The following MRTFA variants were observed in gnomAD, a reference collection of about 807,000 sequenced individuals.
MRTFA encodes the protein myocardin related transcription factor A, also known as myocardin-related transcription factor A.
Under a neutral mutation model 83.5 loss-of-function variants are expected in MRTFA, and 20 were observed. The observed-to-expected ratio is 0.24, with a 90% CI of 0.17 to 0.35. MRTFA has a LOEUF of 0.35. Among genes scored for constraint, MRTFA ranks in the 10% least tolerant of loss-of-function variants. MRTFA has a pLI of 1.00. For synonymous variants in MRTFA, 659 were observed against 541.2 expected, an observed-to-expected ratio of 1.22 and a Z score of -3.02; for missense variants, 1,200 against 1,224.7, an observed-to-expected ratio of 0.98 and a Z score of 0.30.
At position 40,420,954 on chromosome 22, in the gene MRTFA, G is replaced by A. The variant is rs267606257; in HGVS notation, c.1074C>T (p.Ser358=). The A allele has an allele frequency of 1.2e-6, 2 of 1,613,922 alleles. No homozygotes were observed. The highest frequency in any genetic ancestry group is 2.7e-5 in the African/African-American group (2 of 74,948). Residue 358 remains serine, a synonymous_variant, in exon 10 of 15, where the codon TCC becomes TCT. Coordinates refer to ENST00000355630, the MANE Select transcript of MRTFA (RefSeq NM_020831.6). Reference sequence around the variant, plus strand: ...GCTGCTGCTGCAGGATCTTGGCGTAGGATGAGTCCATGGGGGGTGCCCCCC... The same window carrying A: ...GCTGCTGCTGCAGGATCTTGGCGTAAGATGAGTCCATGGGGGGTGCCCCCC...
chr22:40,605,043 T>A (rs2056303205), intron 1 of MRTFA, among the ~76,000 whole-genome samples: 1 of 152,190 alleles, frequency 6.6e-6, no homozygotes, highest in Admixed American at 6.5e-5. Context: ...CATTTATTTT[T>A]GACCCATGTT....
intron 2 of MRTFA, among the ~76,000 whole-genome samples, chr22:40,570,681 G>A (rs2055777364): frequency 6.7e-6 from 1 of 149,278 alleles, no homozygotes; most frequent in Non-Finnish European, 1.5e-5. Context: ...TGGAGTACAA[G>A]CAGCAAACTT....
intron 6 of MRTFA, among the ~76,000 whole-genome samples, chr22:40,431,154 C>T (rs900246447): frequency 2.6e-5 from 4 of 152,192 alleles, no homozygotes; most frequent in African/African-American, 9.7e-5. Flanking sequence ...GAAGCGATCT[C>T]ACACCAAGGG....
At chr22:40,489,878 C>G (rs932039782) in intron 3 of MRTFA, among the ~76,000 whole-genome samples, 3 of 147,064 alleles carry the variant, frequency 2.0e-5, no homozygotes, top group Non-Finnish European at 3.0e-5. Flanking sequence ...ACTCGGGAGG[C>G]TGAGGCAAGA....
At chr22:40,627,179 C>T (rs901294280) in intron 1 of MRTFA, among the ~76,000 whole-genome samples, 7 of 152,130 alleles carry the variant, frequency 4.6e-5, no homozygotes, top group African/African-American at 1.7e-4. Context: ...GACAGTCTCA[C>T]TCTGTTGCCC....
At chr22:40,447,210 G>A (rs2053395814) in intron 4 of MRTFA, among the ~76,000 whole-genome samples, 1 of 151,936 alleles carries the variant, frequency 6.6e-6, no homozygotes, top group Admixed American at 6.6e-5. Flanking sequence ...ACAAAAATTA[G>A]GCATGGTGGC....
chr22:40,564,831 T>A (rs546045725), intron 2 of MRTFA, among the ~76,000 whole-genome samples: 2 of 152,182 alleles, frequency 1.3e-5, no homozygotes, highest in African/African-American at 4.8e-5. Context: ...TTTTGTATTT[T>A]AGTAGACACG....
At chr22:40,586,125 T>C (rs1429338282) in intron 2 of MRTFA, among the ~76,000 whole-genome samples, 1 of 151,942 alleles carries the variant, frequency 6.6e-6, no homozygotes, top group Non-Finnish European at 1.5e-5. Context: ...GATAAAATGG[T>C]AGGTGGAAGT....
chr22:40,504,547 T>C (rs2054549124), intron 3 of MRTFA, among the ~76,000 whole-genome samples: 1 of 152,204 alleles, frequency 6.6e-6, no homozygotes, highest in South Asian at 2.1e-4. Context: ...CAATTTAACA[T>C]TACTTCTAAT....
rs752199619 is a variant in MRTFA, at chr22:40,501,012, C to T, written c.242-37726G>A. On this transcript the variant is annotated intron_variant, in intron 3 of 14. Transcript: ENST00000355630. ...TCACCTCCCGGACGGGGCGGCTGGC[C>T]GGGCGGGGGGCTGACCCCCCAACCT... Among the ~76,000 whole-genome samples the T allele has an allele frequency of 8.3e-4, 103 of 123,980 alleles. 1 individual carries two copies. The Middle Eastern group carries it at 0.02, about 24-fold the overall frequency. The allele number at this position is 123,980 out of a possible 152,430, so 81.3% of individuals were successfully genotyped here.
At chr22:40,448,050 G>A (rs556107293) in intron 4 of MRTFA, among the ~76,000 whole-genome samples, 39 of 152,270 alleles carry the variant, frequency 2.6e-4, no homozygotes, top group African/African-American at 8.7e-4. Context: ...GGTGGCTCAC[G>A]CCTGTAATCC....
intron 3 of MRTFA, among the ~76,000 whole-genome samples, chr22:40,497,478 G>A (rs922035455): frequency 2.6e-5 from 4 of 152,194 alleles, no homozygotes; most frequent in Admixed American, 2.6e-4. Flanking sequence ...AATCATATGG[G>A]TCAGGCTGGC....
chr22:40,524,501 A>G (rs557546009), intron 3 of MRTFA, among the ~76,000 whole-genome samples: 122 of 152,364 alleles, frequency 8.0e-4, no homozygotes, highest in African/African-American at 2.8e-3. Context: ...TGCCAAGAAC[A>G]TGGCCTAACA....
intron 4 of MRTFA, among the ~76,000 whole-genome samples, chr22:40,445,406 G>C (rs1212156633): frequency 2.6e-5 from 4 of 152,146 alleles, no homozygotes; most frequent in Non-Finnish European, 5.9e-5. Flanking sequence ...ACATAACTAA[G>C]ATACTTTTAT....
chr22:40,429,207 A>G (rs2053017597), intron 7 of MRTFA: 1 of 578,266 alleles, frequency 1.7e-6, no homozygotes, highest in Non-Finnish European at 3.1e-6. Flanking sequence ...TATCCGTGGA[A>G]AGGGCCAGTC....
rs975433742 is a variant in MRTFA at position 40,420,852 on chromosome 22, C to A, written c.1176G>T (p.Pro392=). 6.2e-7 allele frequency: 1 copy of A among 1,613,232 alleles called. No homozygotes were observed. The highest frequency in any genetic ancestry group is 8.5e-7 in the Non-Finnish European group (1 of 1,179,856). The change falls in exon 10 of 15, where the codon CCG becomes CCT. Residue 392 remains proline (P), a synonymous_variant. Coordinates refer to ENST00000355630, the MANE Select transcript of MRTFA (RefSeq NM_020831.6). ...AGTGAGGAGCGGGTGCCTACTTTGGCGGGGCAGGCAGGATGGCCTGGTAGT... is the reference window on the plus strand; with the variant it reads ...AGTGAGGAGCGGGTGCCTACTTTGGAGGGGCAGGCAGGATGGCCTGGTAGT...
intron 2 of MRTFA, among the ~76,000 whole-genome samples, chr22:40,558,633 T>A (rs577781483): frequency 4.6e-5 from 7 of 152,240 alleles, no homozygotes; most frequent in Non-Finnish European, 8.8e-5. Context: ...CTCTTATGCA[T>A]TTAGTGAACA....
Position 40,561,818 on chromosome 22 carries a change from G to A in MRTFA, c.-21-9451C>T, listed in dbSNP as rs141555746. Among the ~76,000 whole-genome samples the A allele has an allele frequency of 2.6e-3, 403 of 152,242 alleles. 7 individuals carry two copies. Among genetic ancestry groups the A allele is most frequent in the Middle Eastern group, 0.024 (7 of 294 alleles). On this transcript the variant is annotated intron_variant, in intron 2 of 14. Coordinates refer to ENST00000355630, the MANE Select transcript of MRTFA (RefSeq NM_020831.6). ...GTTTATTTCCTTTGACCTTGAATCT[G>A]AGCTGGCCTCTGCCTTGACCAATCG...
chr22:40,435,579 T>C, intron 4 of MRTFA, 25 bp from the exon 5 acceptor site: 1 of 1,613,066 alleles, frequency 6.2e-7, no homozygotes, highest in Non-Finnish European at 8.5e-7. Context: ...ACCGTAAAGA[T>C]TACCTTCAAG....
Sources: gnomAD v4.1 joint callset for allele counts (sites outside exome capture counted in the v4.1 genomes callset) on GRCh38, gnomAD v4.1.1 for gene constraint, MANE v1.5 for transcripts, NCBI Gene and HGNC (gene_info 2026-07-23, HGNC 2026-07-21) for gene names.